Variants in RGP1 observed in about 807,000 individuals in gnomAD.
The protein encoded by RGP1 is RAB6A-GEF complex partner protein 2.
RGP1 carries 28 observed loss-of-function variants against 44.5 expected under a neutral mutation model. That is an observed-to-expected ratio of 0.63 (90% CI 0.47 to 0.86). RGP1 has a LOEUF of 0.86. Among genes scored for constraint, RGP1 ranks in the 40% least tolerant of loss-of-function variants. The pLI is 0.00. For missense variants in RGP1, 417 were observed against 490.7 expected, an observed-to-expected ratio of 0.85 and a Z score of 1.42; for synonymous variants, 212 against 196.7, an observed-to-expected ratio of 1.08 and a Z score of -0.65.
chr9:35,783,193 TTTTTA>T, the RGP1 span, among the ~76,000 whole-genome samples: 2 of 152,194 alleles, frequency 1.3e-5, no homozygotes, highest in East Asian at 1.9e-4. Context: ...TAATTTTCTC[TTTTTA>T]TTTTATTTTT....
At chr9:35,774,729 C>T in the RGP1 span, among the ~76,000 whole-genome samples, 1 of 150,440 alleles carries the variant, frequency 6.6e-6, no homozygotes, top group South Asian at 2.1e-4. Flanking sequence ...GTCTCAAAAA[C>T]AAAACAAAAA....
At chr9:35,787,416 G>T in the RGP1 span, among the ~76,000 whole-genome samples, 1 of 152,322 alleles carries the variant, frequency 6.6e-6, no homozygotes, top group South Asian at 2.1e-4. Flanking sequence ...TTTTAGTAGA[G>T]ATGGGGTTTT....
the RGP1 span, among the ~76,000 whole-genome samples, chr9:35,771,547 T>C: frequency 6.6e-6 from 1 of 152,224 alleles, no homozygotes; most frequent in Non-Finnish European, 1.5e-5. Context: ...GGCTAGCTCT[T>C]AGCTTATTTC....
Position 35,753,170 on chromosome 9 carries a change from C to T in RGP1, c.*296C>T, listed in dbSNP as rs766344453. 7 of 1,614,036 alleles carry T rather than the reference C, an allele frequency of 4.3e-6. No homozygotes were observed. The Admixed American group carries it at 6.7e-5, about 15-fold the overall frequency. The stretch of plus-strand genomic sequence containing the variant: ...TGAGCCCCATTCTGGGTCAGGCCCT[C>T]CCCCTTTGCAGGGCAGCCGAGGGTC... On this transcript the variant is annotated 3_prime_UTR_variant, in exon 9 of 9. Transcript: ENST00000378078. This position sits in a 1 kb window ranked among gnomAD's most constrained non-coding sequence, Gnocchi z 4.2.
chr9:35,774,493 T>C, the RGP1 span, among the ~76,000 whole-genome samples: 1,280 of 152,290 alleles, frequency 8.4e-3, 13 homozygotes, highest in African/African-American at 0.027. Flanking sequence ...TTTGGGAGGC[T>C]GAGGCGGGTG....
chr9:35,754,005 G>A lies in RGP1; in HGVS notation c.*1131G>A, dbSNP rs771677929. The A allele has an allele frequency of 2.0e-5, 33 of 1,612,920 alleles. No individual in the cohort carries two copies. The South Asian group carries it at 3.5e-4, about 17-fold the overall frequency. ...AACGCTTCACCCCACTTTACCTTGA[G>A]CTTGGAAGTAGCACTTGCTGTAGAC... On this transcript the variant is annotated 3_prime_UTR_variant, in exon 9 of 9. Transcript: ENST00000378078.
At chr9:35,750,443 C>A in intron 3 of RGP1, 64 bp downstream of exon 3, 1 of 1,564,076 alleles carries the variant, frequency 6.4e-7, no homozygotes, top group Non-Finnish European at 8.8e-7. Context: ...GGCATTGTCA[C>A]CCATGGGTGA....
At position 35,753,233 on chromosome 9, in the gene RGP1, T is replaced by C. The variant is rs776309471; in HGVS notation, c.*359T>C. ...CAAGGAGAACTGGCAGGTTCCTGCC[T>C]CCTGACGTACCTCACACCCAGCCGG... On this transcript the variant is annotated 3_prime_UTR_variant, in exon 9 of 9. Transcript: ENST00000378078. The surrounding 1 kb of genome is among the most constrained non-coding windows in gnomAD (Gnocchi z 4.2). 1 of 1,614,144 alleles carries C rather than the reference T, an allele frequency of 6.2e-7. No individual in the cohort carries two copies. The highest frequency in any genetic ancestry group is 8.5e-7 in the Non-Finnish European group (1 of 1,180,016).
chr9:35,779,507 T>A, the RGP1 span, among the ~76,000 whole-genome samples: 2 of 152,236 alleles, frequency 1.3e-5, no homozygotes, highest in South Asian at 4.1e-4. Flanking sequence ...ATAGTCTGCA[T>A]TCATTCTGTT....
At chr9:35,769,324 G>T in the RGP1 span, among the ~76,000 whole-genome samples, 1 of 152,200 alleles carries the variant, frequency 6.6e-6, no homozygotes, top group Non-Finnish European at 1.5e-5. Flanking sequence ...GCATCCACCT[G>T]TTATCTCTCC....
chr9:35,774,005 A>G, the RGP1 span, among the ~76,000 whole-genome samples: 1 of 152,250 alleles, frequency 6.6e-6, no homozygotes, highest in East Asian at 1.9e-4. Context: ...TATATGTGAA[A>G]AAACAATCCA....
Position 35,752,706 on chromosome 9 carries a change from G to T in RGP1, c.1008G>T (p.Leu336Phe). 1 of 1,613,632 alleles carries T rather than the reference G, an allele frequency of 6.2e-7. No homozygotes were observed. The highest frequency in any genetic ancestry group is 1.3e-5 in the African/African-American group (1 of 74,990). Reference sequence around the variant, plus strand: ...TTGTAACGTCCCGAGAACCAGGATTGGTACTCCTACCCCCTGTGGAACAGC... The same window carrying T: ...TTGTAACGTCCCGAGAACCAGGATTTGTACTCCTACCCCCTGTGGAACAGC... ...FEFVTSREPG[L>F]VLLPPVEQPE... Residue 336 changes from leucine to phenylalanine, a missense_variant, in exon 9 of 9, where the codon TTG becomes TTT. Transcript: ENST00000378078.
At chr9:35,750,402 GGA>G (rs753287046) in intron 3 of RGP1, 23 bp downstream of exon 3, 12 of 1,613,226 alleles carry the variant, frequency 7.4e-6, no homozygotes, top group Non-Finnish European at 1.0e-5. Flanking sequence ...CATTTGCCTG[GGA>G]GAGGGGGGGT....
At position 35,751,657 on chromosome 9, in the gene RGP1, A is replaced by G; in HGVS notation, c.665A>G (p.Lys222Arg). 2 of 1,613,918 alleles carry G rather than the reference A, an allele frequency of 1.2e-6. No homozygotes were observed. The highest frequency in any genetic ancestry group is 1.7e-6 in the Non-Finnish European group (2 of 1,179,864). ...HLYNISDGRG[K>R]VGTFGIFKSV... ...TACAATATCAGTGATGGCCGAGGGA[A>G]AGTTGGGACGTTTGGCATCTTCAAA... The change falls in exon 7 of 9, where the codon AAA (lysine) becomes AGA (arginine). Residue 222 changes from lysine (K) to arginine (R), a missense_variant. Coordinates refer to ENST00000378078, the MANE Select transcript of RGP1 (RefSeq NM_001080496.3).
chr9:35,786,669 C>T, the RGP1 span: 2 of 152,182 alleles, frequency 1.3e-5, no homozygotes, highest in African/African-American at 2.4e-5. Context: ...ATCTATGAAA[C>T]AATTTCCATG....
downstream of RGP1, among the ~76,000 whole-genome samples, chr9:35,759,284 A>T (rs911018477): frequency 2.0e-5 from 3 of 152,118 alleles, no homozygotes; most frequent in African/African-American, 7.2e-5. Flanking sequence ...TAGATGATGG[A>T]CTGGGCACAG....
At chr9:35,759,830 G>A (rs1180753581), downstream of RGP1, among the ~76,000 whole-genome samples, 1 of 149,674 alleles carries the variant, frequency 6.7e-6, no homozygotes, top group Non-Finnish European at 1.5e-5. Context: ...TCCTTTTGTA[G>A]AAGAATCTCT....
chr9:35,777,857 A>G, the RGP1 span, among the ~76,000 whole-genome samples: 2 of 152,186 alleles, frequency 1.3e-5, no homozygotes, highest in South Asian at 4.1e-4. Flanking sequence ...TTTCCCTTTG[A>G]GGTCCCATTG....
rs1046971585 is a variant in RGP1 at position 35,755,260 on chromosome 9, G to A, written c.*2386G>A. 4 of 152,214 alleles carry A rather than the reference G, an allele frequency of 2.6e-5. No homozygotes were observed. The highest frequency in any genetic ancestry group is 5.9e-5 in the Non-Finnish European group (4 of 68,052). The allele number at this position is 152,214 out of a possible 1,614,324, so 9.4% of individuals were successfully genotyped here. A position where few individuals can be genotyped will look rare whatever the true frequency, so the allele number is the denominator to read the frequency against. On this transcript the variant is annotated 3_prime_UTR_variant, in exon 9 of 9. Coordinates refer to ENST00000378078, the MANE Select transcript of RGP1 (RefSeq NM_001080496.3). ...GTTATGAGGATTACTGAGATAATGCGTGCAGTGCTCTTATCACCATCTCTG... is the reference window on the plus strand; with the variant it reads ...GTTATGAGGATTACTGAGATAATGCATGCAGTGCTCTTATCACCATCTCTG...
Sources: gnomAD v4.1 joint callset for allele counts (sites outside exome capture counted in the v4.1 genomes callset) on GRCh38, gnomAD v4.1.1 for gene constraint, Gnocchi (gnomAD v3.1) non-coding constraint, MANE v1.5 for transcripts, NCBI Gene and HGNC (gene_info 2026-07-23, HGNC 2026-07-21) for gene names.